Variants in INPP4A observed in about 807,000 individuals in gnomAD.
The protein encoded by INPP4A is inositol polyphosphate-4-phosphatase, type I, 107kD.
A neutral mutation model predicts 119.8 loss-of-function variants in INPP4A; 33 were observed. The ratio of observed to expected loss-of-function variants is 0.28; its 90% CI spans 0.21 to 0.37. The LOEUF (loss-of-function observed/expected upper bound fraction) is 0.37. INPP4A is among the 10% of genes least tolerant of loss of function. INPP4A has a pLI of 1.00. For missense variants in INPP4A, 956 were observed against 1,289.9 expected (o/e 0.74, Z 3.97); for synonymous variants, 496 against 500.7 (o/e 0.99, Z 0.12).
intron 24 of INPP4A, among the ~76,000 whole-genome samples, chr2:98,579,181 C>A (rs1266377302): frequency 6.6e-6 from 1 of 151,974 alleles, no homozygotes; most frequent in Non-Finnish European, 1.5e-5. Flanking sequence ...TCCTGAGTAG[C>A]TGGGATTACA....
rs1050620789 is a variant in INPP4A at position 98,510,516 on chromosome 2, C to T, written c.-165-8448C>T. On this transcript the variant is annotated intron_variant, in intron 1 of 24. Coordinates refer to ENST00000409851, the MANE Select transcript of INPP4A (RefSeq NM_001134225.2). ...CTTAGACCTGTGGATGTTGGGAAGG[C>T]GCTGGCATTTAGGGTCTGCTGAGGG... is the stretch of plus-strand genomic sequence containing the variant. Among the ~76,000 whole-genome samples the T allele has an allele frequency of 4.6e-5, 7 of 152,276 alleles. No homozygotes were observed. In the East Asian group the frequency reaches 5.8e-4, roughly 13 times the overall value.
intron 16 of INPP4A, among the ~76,000 whole-genome samples, chr2:98,556,445 G>A (rs1224297065): frequency 6.6e-6 from 1 of 152,224 alleles, no homozygotes; most frequent in Admixed American, 6.5e-5. Flanking sequence ...ACAGTCTCCT[G>A]TCTGCAGAGA....
chr2:98,484,771 A>T (rs1485314940), intron 1 of INPP4A, among the ~76,000 whole-genome samples: 1 of 151,984 alleles, frequency 6.6e-6, no homozygotes, highest in African/African-American at 2.4e-5. Flanking sequence ...GGTAGATCTT[A>T]CTTAGAATCT....
At position 98,570,973 on chromosome 2, in the gene INPP4A, A is replaced by T. The variant is rs142738488; in HGVS notation, c.2519-1842A>T. Among the ~76,000 whole-genome samples the T allele has an allele frequency of 4.3e-3, 650 of 152,220 alleles. 10 individuals carry two copies. The highest frequency in any genetic ancestry group is 0.015 in the African/African-American group (629 of 41,524). ...GTGTGGTGGGCAGGACCTGGGCATTAGGGTTTCAGAAACTCCCCAGGTGGT... is the reference window on the plus strand; with the variant it reads ...GTGTGGTGGGCAGGACCTGGGCATTTGGGTTTCAGAAACTCCCCAGGTGGT... On this transcript the variant is annotated intron_variant, in intron 22 of 24. Transcript: ENST00000409851. This position sits in a 1 kb window ranked among gnomAD's most constrained non-coding sequence, Gnocchi z 4.3.
chr2:98,530,380 T>C (rs1449792600), intron 4 of INPP4A, among the ~76,000 whole-genome samples: 1 of 152,016 alleles, frequency 6.6e-6, no homozygotes, highest in African/African-American at 2.4e-5. Flanking sequence ...CTTAGTGCTT[T>C]AGACAGTGTC....
rs1045520370 is a variant in INPP4A at position 98,519,022 on chromosome 2, T to C, written c.-107T>C. On this transcript the variant is annotated 5_prime_UTR_variant, in exon 2 of 25. Coordinates refer to ENST00000409851, the MANE Select transcript of INPP4A (RefSeq NM_001134225.2). ...GCCACATGGTCCGAGAGCAAACATG[T>C]CCAGTAAGTTGTTTGGTGAATTAAC... The C allele has an allele frequency of 3.3e-5, 5 of 152,186 alleles. No individual in the cohort carries two copies. Among genetic ancestry groups the C allele is most frequent in the African/African-American group, 9.7e-5 (4 of 41,444 alleles). 9.4% of individuals were successfully genotyped at this position (152,186 alleles called of 1,614,324 possible).
chr2:98,482,235 C>T (rs979790930), intron 1 of INPP4A, among the ~76,000 whole-genome samples: 5 of 152,232 alleles, frequency 3.3e-5, no homozygotes, highest in Admixed American at 2.0e-4. Flanking sequence ...TGCTTTTTTC[C>T]TCTTTGCCTT....
At chr2:98,520,898 G>GGATCA (rs1431272421) in intron 4 of INPP4A, 167 bp downstream of exon 4, 1 of 538,102 alleles carries the variant, frequency 1.9e-6, no homozygotes, top group African/African-American at 2.0e-5. Context: ...GAACTTCTGT[G>GGATCA]GATGGGAAGG....
chr2:98,501,690 TG>T (rs1683156533), intron 1 of INPP4A, among the ~76,000 whole-genome samples: 2 of 152,198 alleles, frequency 1.3e-5, no homozygotes, highest in South Asian at 4.2e-4. Context: ...AATCATAGAC[TG>T]GGGGAGGGAG....
rs746857395 is a variant in INPP4A at position 98,581,776 on chromosome 2, A to G, written c.2786+4633A>G. The G allele has an allele frequency of 8.7e-6, 14 of 1,603,020 alleles. No homozygotes were observed. The Admixed American group carries it at 1.0e-4, about 12-fold the overall frequency. ...AAATGAATATCATTATGAAAAATTA[A>G]TAAGTCACAAGAAAAACAAAAGTGC... On this transcript the variant is annotated intron_variant, in intron 24 of 24. Coordinates refer to ENST00000409851, the MANE Select transcript of INPP4A (RefSeq NM_001134225.2).
At chr2:98,577,580 G>A (rs1698640810) in intron 24 of INPP4A, among the ~76,000 whole-genome samples, 1 of 152,216 alleles carries the variant, frequency 6.6e-6, no homozygotes, top group South Asian at 2.1e-4. Context: ...GTGAAGCAAC[G>A]CGTCTGCAGG....
intron 1 of INPP4A, among the ~76,000 whole-genome samples, chr2:98,460,841 C>T (rs1166859723): frequency 6.6e-6 from 1 of 152,192 alleles, no homozygotes; most frequent in Non-Finnish European, 1.5e-5. Flanking sequence ...AAATGAAACC[C>T]AGCATTGGAG....
chr2:98,529,573 A>G (rs1177935911), intron 4 of INPP4A, among the ~76,000 whole-genome samples: 1 of 152,192 alleles, frequency 6.6e-6, no homozygotes, highest in East Asian at 1.9e-4. Flanking sequence ...TCTCTACTAA[A>G]AAAATACAAA....
intron 13 of INPP4A, among the ~76,000 whole-genome samples, chr2:98,547,364 A>G (rs1293154977): frequency 2.6e-5 from 4 of 152,174 alleles, no homozygotes; most frequent in African/African-American, 4.8e-5. Flanking sequence ...ACCATTTGGC[A>G]TGAACAGGGC....
intron 1 of INPP4A, among the ~76,000 whole-genome samples, chr2:98,451,776 AG>A (rs1197545000): frequency 6.6e-6 from 1 of 152,206 alleles, no homozygotes; most frequent in Non-Finnish European, 1.5e-5. Flanking sequence ...TGAATTTTCA[AG>A]AAGGATGACC....
chr2:98,564,853 T>A (rs894802804), intron 19 of INPP4A, 90 bp downstream of exon 19: 1 of 801,472 alleles, frequency 1.2e-6, no homozygotes, highest in Non-Finnish European at 1.7e-6. Flanking sequence ...ATACCAGTAA[T>A]GCGTGCTTAT....
chr2:98,467,805 TATAG>T (rs774216124), intron 1 of INPP4A, among the ~76,000 whole-genome samples: 4 of 152,198 alleles, frequency 2.6e-5, no homozygotes, highest in Non-Finnish European at 5.9e-5. Context: ...ATCTATTAGT[TATAG>T]ATAATTATCT....
At chr2:98,581,271 C>T (rs372764114) in intron 24 of INPP4A, among the ~76,000 whole-genome samples, 38 of 152,312 alleles carry the variant, frequency 2.5e-4, no homozygotes, top group African/African-American at 8.9e-4. Flanking sequence ...GAAAACCATT[C>T]GTTCAACCTA....
At chr2:98,559,944 C>T (rs1182362384) in intron 17 of INPP4A, among the ~76,000 whole-genome samples, 1 of 152,262 alleles carries the variant, frequency 6.6e-6, no homozygotes, top group African/African-American at 2.4e-5. Context: ...TGGCAAGCTA[C>T]AGCTCTGAGC....
Sources: gnomAD v4.1 joint callset for allele counts (sites outside exome capture counted in the v4.1 genomes callset) on GRCh38, gnomAD v4.1.1 for gene constraint, Gnocchi (gnomAD v3.1) non-coding constraint, MANE v1.5 for transcripts, NCBI Gene and HGNC (gene_info 2026-07-23, HGNC 2026-07-21) for gene names.